Variants in SLC14A2 observed in about 807,000 individuals in gnomAD.
SLC14A2 encodes the protein urea transporter 2.
Under a neutral mutation model 104.6 loss-of-function variants are expected in SLC14A2, and 91 were observed. The ratio of observed to expected loss-of-function variants is 0.87; its 90% CI spans 0.73 to 1.04. The LOEUF (loss-of-function observed/expected upper bound fraction) is 1.04. Among genes scored for constraint, SLC14A2 ranks in the 50% least tolerant of loss-of-function variants. SLC14A2 has a pLI of 0.00. For missense variants in SLC14A2, 1,189 were observed against 1,156.0 expected, an observed-to-expected ratio of 1.03 and a Z score of -0.41; for synonymous variants, 476 against 466.4, an observed-to-expected ratio of 1.02 and a Z score of -0.27.
intron 1 of SLC14A2, among the ~76,000 whole-genome samples, chr18:45,468,310 G>C (rs2087182073): frequency 6.6e-6 from 1 of 152,086 alleles, no homozygotes; most frequent in African/African-American, 2.4e-5. Context: ...GGAAGAGGCA[G>C]TATCTTCACT....
chr18:45,229,210 T>C (rs1178388446), intron 1 of SLC14A2, among the ~76,000 whole-genome samples: 1 of 152,168 alleles, frequency 6.6e-6, no homozygotes, highest in Non-Finnish European at 1.5e-5. Context: ...TGTAAGCCCC[T>C]GTGCTGATTT....
chr18:45,536,861 C>T (rs553485794), intron 2 of SLC14A2, among the ~76,000 whole-genome samples: 1 of 152,314 alleles, frequency 6.6e-6, no homozygotes, highest in African/African-American at 2.4e-5. Context: ...TTCCCTGAAG[C>T]TGGTCTCAGC....
chr18:45,207,391 AG>A, the SLC14A2 span, among the ~76,000 whole-genome samples: 3 of 129,880 alleles, frequency 2.3e-5, no homozygotes, highest in South Asian at 2.8e-4. Context: ...AAGGAAAGGG[AG>A]GGGGGAGGAA....
At chr18:45,557,086 C>T (rs1203670978) in intron 2 of SLC14A2, among the ~76,000 whole-genome samples, 2 of 152,220 alleles carry the variant, frequency 1.3e-5, no homozygotes, top group Non-Finnish European at 2.9e-5. Context: ...ACAGCCAGCA[C>T]CTTTGCTTGT....
chr18:45,472,633 T>C (rs1272097833), intron 1 of SLC14A2, among the ~76,000 whole-genome samples: 1 of 152,250 alleles, frequency 6.6e-6, no homozygotes, highest in Non-Finnish European at 1.5e-5. Context: ...CCGGTGATGA[T>C]GAGCTTTTTT....
At chr18:45,588,643 C>G (rs1273331863) in intron 2 of SLC14A2, among the ~76,000 whole-genome samples, 1 of 152,146 alleles carries the variant, frequency 6.6e-6, no homozygotes, top group African/African-American at 2.4e-5. Flanking sequence ...AATGGGGATA[C>G]CCACGGTCCT....
At chr18:45,579,600 C>T (rs866764846) in intron 2 of SLC14A2, among the ~76,000 whole-genome samples, 3 of 152,178 alleles carry the variant, frequency 2.0e-5, no homozygotes, top group South Asian at 4.1e-4. Flanking sequence ...TAATGTCATG[C>T]CTTTCTAAGC....
At chr18:45,414,757 A>ATATATATATATATATATATATATAT (rs1555684043) in intron 1 of SLC14A2, among the ~76,000 whole-genome samples, 1 of 76,122 alleles carries the variant, frequency 1.3e-5, no homozygotes, top group Non-Finnish European at 2.2e-5. Flanking sequence ...AAAAAAAAAA[A>ATATATATATATATATATATATATAT]ATATATATAT....
At chr18:45,199,512 C>A in the SLC14A2 span, among the ~76,000 whole-genome samples, 1 of 152,070 alleles carries the variant, frequency 6.6e-6, no homozygotes, top group Non-Finnish European at 1.5e-5. Context: ...GTATTTAACT[C>A]ATTGTTGAGT....
intron 1 of SLC14A2, among the ~76,000 whole-genome samples, chr18:45,311,918 G>A (rs1381668622): frequency 2.0e-5 from 3 of 152,208 alleles, no homozygotes; most frequent in Non-Finnish European, 4.4e-5. Flanking sequence ...CAGAATGGGA[G>A]AACAGAAATG....
chr18:45,400,540 A>G (rs1190292682), intron 1 of SLC14A2, among the ~76,000 whole-genome samples: 14 of 152,188 alleles, frequency 9.2e-5, no homozygotes, highest in Non-Finnish European at 2.9e-5. Flanking sequence ...CTCCACTTAT[A>G]TTAAAGTTAA....
intron 2 of SLC14A2, among the ~76,000 whole-genome samples, chr18:45,486,385 GT>G (rs1326943554): frequency 1.3e-5 from 2 of 151,564 alleles, no homozygotes; most frequent in African/African-American, 4.9e-5. Flanking sequence ...AATCTGAAAA[GT>G]GGTGGATTTT....
intron 1 of SLC14A2, among the ~76,000 whole-genome samples, chr18:45,236,435 A>G (rs1211681024): frequency 2.7e-5 from 1 of 37,702 alleles, no homozygotes; most frequent in South Asian, 9.2e-4. Flanking sequence ...ATATATGTGT[A>G]TATATACATG....
rs200599578 is a variant in SLC14A2, at chr18:45,486,002, C to G, written c.-35+2680C>G. Reference sequence around the variant, plus strand: ...TCAAATCAAGTGGATGATGTTCACCCTCTCTACTTCCCCTACTTTCTTAGG... The same window carrying G: ...TCAAATCAAGTGGATGATGTTCACCGTCTCTACTTCCCCTACTTTCTTAGG... On this transcript the variant is annotated intron_variant, in intron 2 of 20. Coordinates refer to the SLC14A2 transcript ENST00000586448. Among the ~76,000 whole-genome samples, 4 of 152,320 alleles carry G rather than the reference C, an allele frequency of 2.6e-5. No individual in the cohort carries two copies. In the East Asian group the frequency reaches 5.8e-4, roughly 22 times the overall value.
chr18:45,457,841 T>C (rs1401696464), intron 1 of SLC14A2, among the ~76,000 whole-genome samples: 2 of 151,942 alleles, frequency 1.3e-5, no homozygotes, highest in African/African-American at 4.8e-5. Flanking sequence ...ATCTGTAAAA[T>C]GGAGATCATG....
Position 45,281,979 on chromosome 18 carries a change from C to G in SLC14A2, c.-125+68788C>G, listed in dbSNP as rs61319456. ...CCTGGTTCCTACTTGCAGCCTCCTC[C>G]TTTCCCATGAAGCTGATCTCCTACC... On this transcript the variant is annotated intron_variant, in intron 1 of 20. Coordinates refer to the SLC14A2 transcript ENST00000586448. Among the ~76,000 whole-genome samples, 1,413 of 152,264 alleles carry G rather than the reference C, an allele frequency of 9.3e-3. 21 individuals are homozygous for G. Among genetic ancestry groups the G allele is most frequent in the African/African-American group, 0.032 (1,310 of 41,526 alleles).
chr18:45,494,165 C>T (rs1415515773), intron 2 of SLC14A2, among the ~76,000 whole-genome samples: 1 of 152,142 alleles, frequency 6.6e-6, no homozygotes, highest in Non-Finnish European at 1.5e-5. Context: ...AATTGGGTGA[C>T]CATTTGCAAA....
At chr18:45,170,416 A>G in the SLC14A2 span, among the ~76,000 whole-genome samples, 1 of 152,198 alleles carries the variant, frequency 6.6e-6, no homozygotes, top group East Asian at 1.9e-4. Context: ...AGGAAGTTAA[A>G]GTAAAGAACT....
chr18:45,264,720 T>G (rs901175489), intron 1 of SLC14A2, among the ~76,000 whole-genome samples: 7 of 152,102 alleles, frequency 4.6e-5, no homozygotes, highest in Middle Eastern at 3.2e-3. Context: ...GAGAAAAATA[T>G]GGAGGAAACG....
Sources: gnomAD v4.1 joint callset for allele counts (sites outside exome capture counted in the v4.1 genomes callset) on GRCh38, gnomAD v4.1.1 for gene constraint, MANE v1.5 for transcripts, NCBI Gene and HGNC (gene_info 2026-07-23, HGNC 2026-07-21) for gene names.